The following CAST variants were observed in gnomAD, a reference collection of about 807,000 sequenced individuals.
The protein encoded by CAST is MIR583 host.
Under a neutral mutation model 119.6 loss-of-function variants are expected in CAST, and 76 were observed. The ratio of observed to expected loss-of-function variants is 0.64; its 90% CI spans 0.53 to 0.77. The LOEUF (loss-of-function observed/expected upper bound fraction) is 0.77. CAST is among the 30% of genes least tolerant of loss of function. The probability of loss-of-function intolerance (pLI) is 0.00; values close to 1 mark genes in which losing one functional copy is unlikely to be tolerated. For missense variants in CAST, 953 were observed against 946.5 expected (o/e 1.01, Z -0.09); for synonymous variants, 319 against 331.6 (o/e 0.96, Z 0.41).
chr5:96,521,288 A>G (rs1232888374), upstream of CAST, among the ~76,000 whole-genome samples: 2 of 152,200 alleles, frequency 1.3e-5, no homozygotes, highest in Non-Finnish European at 2.9e-5. Context: ...TAGTAAAAGC[A>G]TGAGTCCAAT....
the CAST span, among the ~76,000 whole-genome samples, chr5:96,023,669 T>G: frequency 6.6e-6 from 1 of 152,096 alleles, no homozygotes; most frequent in African/African-American, 2.4e-5. Flanking sequence ...AATTATTCAC[T>G]ACGTAAAAGC....
chr5:96,671,180 A>G (rs1193682415), intron 1 of CAST, among the ~76,000 whole-genome samples: 2 of 152,104 alleles, frequency 1.3e-5, no homozygotes, highest in Non-Finnish European at 2.9e-5. Flanking sequence ...TCTGGAGCAC[A>G]TACCACCTTC....
intron 1 of CAST, among the ~76,000 whole-genome samples, chr5:96,556,859 T>A (rs1235544982): frequency 6.6e-6 from 1 of 152,020 alleles, no homozygotes; most frequent in African/African-American, 2.4e-5. Context: ...ATACAGAGAA[T>A]GCCACAAAGA....
At chr5:96,272,516 G>A in the CAST span, among the ~76,000 whole-genome samples, 1 of 152,106 alleles carries the variant, frequency 6.6e-6, no homozygotes, top group Non-Finnish European at 1.5e-5. Flanking sequence ...GACAAATATT[G>A]CATGTTCTCA....
At chr5:96,053,535 G>C in the CAST span, among the ~76,000 whole-genome samples, 19 of 152,278 alleles carry the variant, frequency 1.2e-4, no homozygotes, top group East Asian at 3.7e-3. Context: ...CTAAATTCAG[G>C]CTGGGAATTG....
At chr5:96,394,853 G>T in the CAST span, 4 of 1,613,462 alleles carry the variant, frequency 2.5e-6, no homozygotes, top group Non-Finnish European at 3.4e-6. Flanking sequence ...CAAGAACAGA[G>T]CCACACAGAC....
At chr5:95,961,665 G>C in the CAST span, 1 of 1,609,060 alleles carries the variant, frequency 6.2e-7, no homozygotes, top group South Asian at 1.1e-5. Context: ...CCAGCCGTCC[G>C]CACGACAGCC....
chr5:96,667,005 C>T (rs1749427911), intron 1 of CAST, among the ~76,000 whole-genome samples: 1 of 152,032 alleles, frequency 6.6e-6, no homozygotes, highest in Non-Finnish European at 1.5e-5. Flanking sequence ...GTCTCATTTT[C>T]CTTTCATGAA....
chr5:96,393,486 T>TGAGGG, the CAST span: 1 of 1,288,786 alleles, frequency 7.8e-7, no homozygotes, highest in Admixed American at 1.9e-5. Context: ...TGAGAGGCAA[T>TGAGGG]GAGGGGAGGG....
At chr5:96,520,309 G>A (rs1293324051), upstream of CAST, among the ~76,000 whole-genome samples, 2 of 152,222 alleles carry the variant, frequency 1.3e-5, no homozygotes, top group African/African-American at 2.4e-5. Context: ...GAGGGTGGGA[G>A]GGAGAGAATG....
At chr5:96,751,554 C>T (rs996189440) in intron 20 of CAST, among the ~76,000 whole-genome samples, 5 of 152,132 alleles carry the variant, frequency 3.3e-5, no homozygotes, top group Non-Finnish European at 7.4e-5. Flanking sequence ...ATGAGCCCTC[C>T]CCAGTTTTTT....
chr5:96,482,975 G>A, the CAST span, among the ~76,000 whole-genome samples: 1 of 152,104 alleles, frequency 6.6e-6, no homozygotes, highest in Admixed American at 6.6e-5. Context: ...TCACTTCTGA[G>A]CTCTTGGCTC....
At chr5:96,452,105 C>A in the CAST span, among the ~76,000 whole-genome samples, 1 of 152,106 alleles carries the variant, frequency 6.6e-6, no homozygotes, top group Non-Finnish European at 1.5e-5. Context: ...GATCTAGAAC[C>A]AGAAATACCA....
chr5:96,503,596 C>G, the CAST span, among the ~76,000 whole-genome samples: 1 of 152,210 alleles, frequency 6.6e-6, no homozygotes, highest in East Asian at 1.9e-4. Flanking sequence ...AACCAAAGAG[C>G]ACGGCATAAA....
the CAST span, among the ~76,000 whole-genome samples, chr5:96,161,570 C>A: frequency 2.0e-5 from 3 of 152,070 alleles, no homozygotes; most frequent in Admixed American, 6.5e-5. Flanking sequence ...AGGTATGAGT[C>A]CTACTTTGTT....
the CAST span, among the ~76,000 whole-genome samples, chr5:96,323,561 A>G: frequency 6.6e-6 from 1 of 152,182 alleles, no homozygotes; most frequent in East Asian, 1.9e-4. Context: ...AGAAAATGGG[A>G]CAATTCCTTC....
chr5:95,978,811 T>C, the CAST span, among the ~76,000 whole-genome samples: 1 of 152,180 alleles, frequency 6.6e-6, no homozygotes, highest in South Asian at 2.1e-4. Context: ...AAAACCTTCA[T>C]GGTACACTTA....
At chr5:96,378,194 G>A in the CAST span, among the ~76,000 whole-genome samples, 5 of 152,148 alleles carry the variant, frequency 3.3e-5, no homozygotes, top group Non-Finnish European at 5.9e-5. Context: ...GGAGATGTCA[G>A]TCAAAAGATA....
At chr5:96,153,365 C>T in the CAST span, among the ~76,000 whole-genome samples, 1 of 152,156 alleles carries the variant, frequency 6.6e-6, no homozygotes, top group Non-Finnish European at 1.5e-5. Context: ...TGACTTGAGA[C>T]CTCTGTCCCA....
Sources: allele counts gnomAD v4.1 joint callset (sites outside exome capture counted in the v4.1 genomes callset), GRCh38; gene constraint gnomAD v4.1.1; transcripts MANE v1.5; gene names NCBI Gene and HGNC (gene_info 2026-07-23, HGNC 2026-07-21).